Variants in MED13L observed in about 807,000 individuals in gnomAD.
MED13L encodes the protein mediator of RNA polymerase II transcription subunit 13-like.
MED13L carries 7 observed loss-of-function variants against 220.9 expected under a neutral mutation model. That is an observed-to-expected ratio of 0.03 (90% confidence interval 0.02 to 0.06). MED13L has a LOEUF of 0.06. Among genes scored for constraint, MED13L ranks in the 10% least tolerant of loss-of-function variants. MED13L has a pLI of 1.00. For missense variants in MED13L, 1,965 were observed against 2,760.5 expected (o/e 0.71, Z 6.46); for synonymous variants, 1,011 against 1,015.2 (o/e 1.00, Z 0.08).
At chr12:116,082,204 G>A (rs1417427667) in intron 4 of MED13L, among the ~76,000 whole-genome samples, 1 of 152,010 alleles carries the variant, frequency 6.6e-6, no homozygotes, top group Non-Finnish European at 1.5e-5. Flanking sequence ...TTTATTTCAT[G>A]TCAAACATTC....
intron 7 of MED13L, among the ~76,000 whole-genome samples, chr12:116,017,011 C>T (rs984841289): frequency 6.6e-6 from 1 of 152,188 alleles, no homozygotes; most frequent in African/African-American, 2.4e-5. Context: ...CTCTCTGATA[C>T]AGCATTAAGA....
chr12:116,253,199 G>T (rs1199799647), intron 1 of MED13L, among the ~76,000 whole-genome samples: 2 of 151,192 alleles, frequency 1.3e-5, no homozygotes, highest in African/African-American at 4.9e-5. Context: ...GTGGGGGAGG[G>T]GGGCGGAGGT....
chr12:116,015,635 C>T (rs990418387), intron 7 of MED13L, among the ~76,000 whole-genome samples: 1 of 152,210 alleles, frequency 6.6e-6, no homozygotes, highest in Non-Finnish European at 1.5e-5. Context: ...CAAACCTCCA[C>T]TGATTGTTTT....
chr12:115,993,263 T>C (rs1878184083), intron 16 of MED13L, among the ~76,000 whole-genome samples: 1 of 152,188 alleles, frequency 6.6e-6, no homozygotes, highest in Non-Finnish European at 1.5e-5. Flanking sequence ...TATATGTATA[T>C]TAGCATATGA....
chr12:115,982,747 C>CA (rs1334923944), intron 21 of MED13L, 144 bp from the exon 22 acceptor site: 1 of 841,682 alleles, frequency 1.2e-6, no homozygotes, highest in Non-Finnish European at 1.9e-6. Context: ...ATCACCTTAC[C>CA]AAAATACAGG....
At chr12:116,208,948 G>C (rs1882524302) in intron 2 of MED13L, among the ~76,000 whole-genome samples, 1 of 152,040 alleles carries the variant, frequency 6.6e-6, no homozygotes, top group Non-Finnish European at 1.5e-5. Context: ...TCCAGCCTGG[G>C]TGACAGAGCG....
At position 115,961,098 on chromosome 12, in the gene MED13L, A is replaced by G. The variant is rs1875726969; in HGVS notation, c.*168T>C. On this transcript the variant is annotated 3_prime_UTR_variant, in exon 31 of 31. Coordinates refer to ENST00000281928, the MANE Select transcript of MED13L (RefSeq NM_015335.5). ...GAAGTGTCAAGGAGTCACTCTGGTA[A>G]TGAACACTGCAGAATTGACATGTGC... 1 of 907,520 alleles carries G rather than the reference A, an allele frequency of 1.1e-6. No homozygotes were observed. Among genetic ancestry groups the G allele is most frequent in the Admixed American group, 2.0e-5 (1 of 49,020 alleles). The allele number at this position is 907,520 out of a possible 1,614,324, so 56.2% of individuals were successfully genotyped here.
chr12:116,269,317 A>G (rs151267048), intron 1 of MED13L, among the ~76,000 whole-genome samples: 2,969 of 152,086 alleles, frequency 0.02, 56 homozygotes, highest in Non-Finnish European at 0.031. Context: ...TCGGCCTCCC[A>G]AAGAGCTGGG....
At chr12:116,080,000 A>C (rs1871115519) in intron 4 of MED13L, among the ~76,000 whole-genome samples, 1 of 152,078 alleles carries the variant, frequency 6.6e-6, no homozygotes, top group South Asian at 2.1e-4. Flanking sequence ...CAAATTCATA[A>C]ACTTTCTTAA....
chr12:116,226,600 G>A (rs1296118986), intron 2 of MED13L, among the ~76,000 whole-genome samples: 1 of 152,260 alleles, frequency 6.6e-6, no homozygotes, highest in African/African-American at 2.4e-5. Flanking sequence ...CAGGAGTGGC[G>A]GCTCACGCCT....
At chr12:116,155,752 A>C (rs1166007551) in intron 2 of MED13L, among the ~76,000 whole-genome samples, 2 of 152,166 alleles carry the variant, frequency 1.3e-5, no homozygotes, top group African/African-American at 2.4e-5. Context: ...TGAAACTGTT[A>C]ATATATTAAC....
rs567872393 is a variant in MED13L, at chr12:116,153,558, T to C, written c.311-42046A>G. On this transcript the variant is annotated intron_variant, in intron 2 of 30. Coordinates refer to ENST00000281928, the MANE Select transcript of MED13L (RefSeq NM_015335.5). ...TACAATAAAGAATTAAAGTTAAGTG[T>C]TGTGCCCCCTTAAAGGCCAAAAGCA... Among the ~76,000 whole-genome samples the C allele has an allele frequency of 2.6e-5, 4 of 152,272 alleles. No homozygotes were observed. The South Asian group carries it at 8.3e-4, about 32-fold the overall frequency.
intron 2 of MED13L, among the ~76,000 whole-genome samples, chr12:116,166,822 A>T (rs1879317403): frequency 6.6e-6 from 1 of 152,244 alleles, no homozygotes; most frequent in Non-Finnish European, 1.5e-5. Flanking sequence ...AGCACTTAAT[A>T]AATATTTGTT....
chr12:116,192,090 A>G (rs1273956142), intron 2 of MED13L, among the ~76,000 whole-genome samples: 2 of 152,208 alleles, frequency 1.3e-5, no homozygotes, highest in Non-Finnish European at 2.9e-5. Context: ...TTTAATGCCC[A>G]CTAAAACAAT....
At chr12:116,219,633 G>A (rs986109370) in intron 2 of MED13L, among the ~76,000 whole-genome samples, 2 of 152,116 alleles carry the variant, frequency 1.3e-5, no homozygotes, top group Non-Finnish European at 2.9e-5. Context: ...CATATTAATT[G>A]TTTGAAATTT....
chr12:116,033,732 A>G (rs1174123518), intron 4 of MED13L, among the ~76,000 whole-genome samples: 1 of 151,452 alleles, frequency 6.6e-6, no homozygotes, highest in Non-Finnish European at 1.5e-5. Flanking sequence ...TTGGTTCTCT[A>G]AAGTATGAAT....
At chr12:116,124,578 A>G (rs1338978679) in intron 2 of MED13L, among the ~76,000 whole-genome samples, 1 of 152,020 alleles carries the variant, frequency 6.6e-6, no homozygotes, top group Non-Finnish European at 1.5e-5. Context: ...TCCAAGACAG[A>G]AAAAAAACTG....
chr12:116,117,098 A>T (rs1874587788), intron 2 of MED13L, among the ~76,000 whole-genome samples: 1 of 151,964 alleles, frequency 6.6e-6, no homozygotes, highest in South Asian at 2.1e-4. Context: ...TATCTATACA[A>T]TGGGCTACTA....
chr12:116,171,506 T>A (rs1879678730), intron 2 of MED13L, among the ~76,000 whole-genome samples: 1 of 152,210 alleles, frequency 6.6e-6, no homozygotes, highest in Admixed American at 6.5e-5. Flanking sequence ...CTCTCTAGGC[T>A]AAACAAATCC....
Sources: gnomAD v4.1 joint callset for allele counts (sites outside exome capture counted in the v4.1 genomes callset) on GRCh38, gnomAD v4.1.1 for gene constraint, MANE v1.5 for transcripts, NCBI Gene and HGNC (gene_info 2026-07-23, HGNC 2026-07-21) for gene names.